The following NTN4 variants were observed in gnomAD, a reference collection of about 807,000 sequenced individuals.
NTN4 encodes netrin-4.
NTN4 carries 32 observed loss-of-function variants against 73.6 expected under a neutral mutation model. The ratio of observed to expected loss-of-function variants is 0.44; its 90% confidence interval spans 0.33 to 0.58. NTN4 has a LOEUF of 0.58. Ranked by LOEUF, NTN4 falls within the 20% of genes least tolerant of loss-of-function variation. NTN4 has a pLI of 0.04. For missense variants in NTN4, 654 were observed against 798.3 expected, an observed-to-expected ratio of 0.82 and a Z score of 2.18; for synonymous variants, 258 against 287.5, an observed-to-expected ratio of 0.90 and a Z score of 1.04.
chr12:95,669,672 G>A (rs191815670), intron 8 of NTN4, among the ~76,000 whole-genome samples: 3 of 152,286 alleles, frequency 2.0e-5, no homozygotes, highest in Non-Finnish European at 4.4e-5. Context: ...ATAATGAAAT[G>A]CTGCCTTAAA....
At chr12:95,727,166 T>C (rs2078701156) in intron 3 of NTN4, among the ~76,000 whole-genome samples, 1 of 152,206 alleles carries the variant, frequency 6.6e-6, no homozygotes, top group African/African-American at 2.4e-5. Flanking sequence ...ATCTCCCTAA[T>C]GACTAATGAT....
rs186241380 is a variant in NTN4, at chr12:95,746,552, G to C, written c.586-8408C>G. On this transcript the variant is annotated intron_variant, in intron 2 of 9. Transcript: ENST00000343702. The stretch of plus-strand genomic sequence containing the variant: ...TCTCTAACTCGCTCAGGTACAACAA[G>C]GGTGTTTCTCTCTCTGGCCTCAGGT... Among the ~76,000 whole-genome samples, 13 of 152,296 alleles carry C rather than the reference G, an allele frequency of 8.5e-5. No individual in the cohort carries two copies. The East Asian group carries it at 2.3e-3, about 27-fold the overall frequency.
chr12:95,790,950 C>A (rs2079206645), upstream of NTN4, among the ~76,000 whole-genome samples: 2 of 149,978 alleles, frequency 1.3e-5, no homozygotes. The surrounding 1 kb of genome is among the most constrained non-coding windows in gnomAD (Gnocchi z 6.5). Flanking sequence ...CCCCCGCGCC[C>A]CGACCGACGC....
intron 3 of NTN4, among the ~76,000 whole-genome samples, chr12:95,720,001 A>G (rs1446248383): frequency 6.6e-6 from 1 of 152,242 alleles, no homozygotes; most frequent in African/African-American, 2.4e-5. Context: ...AGATAGGCAT[A>G]GTGTAAAAAC....
At chr12:95,687,667 C>A (rs2078372296) in intron 5 of NTN4, among the ~76,000 whole-genome samples, 1 of 152,114 alleles carries the variant, frequency 6.6e-6, no homozygotes, top group Admixed American at 6.6e-5. Flanking sequence ...TCCCAAAGTG[C>A]TGGAATTACA....
At chr12:95,771,311 C>T (rs2079057812) in intron 2 of NTN4, among the ~76,000 whole-genome samples, 1 of 152,146 alleles carries the variant, frequency 6.6e-6, no homozygotes, top group South Asian at 2.1e-4. Flanking sequence ...CTTAGAGATA[C>T]ACTGAGTGTA....
chr12:95,695,063 G>A (rs2078430842), intron 5 of NTN4, among the ~76,000 whole-genome samples: 1 of 151,934 alleles, frequency 6.6e-6, no homozygotes, highest in Non-Finnish European at 1.5e-5. Context: ...GGGAGGTGAA[G>A]GTTGCAGTGA....
chr12:95,734,069 CAAAAAAAA>C (rs34550049), intron 3 of NTN4, among the ~76,000 whole-genome samples: 23 of 94,242 alleles, frequency 2.4e-4, no homozygotes, highest in Admixed American at 6.5e-4. Context: ...GACTCCATTT[CAAAAAAAA>C]AAAAAAAAAA....
At chr12:95,790,929 G>GC (rs1555222870), upstream of NTN4, among the ~76,000 whole-genome samples, 3 of 24,636 alleles carry the variant, frequency 1.2e-4, no homozygotes, top group Admixed American at 1.4e-3. This position sits in a 1 kb window ranked among gnomAD's most constrained non-coding sequence, Gnocchi z 6.5. Flanking sequence ...GCTGCCGCCC[G>GC]GGGGGGGGGT....
At chr12:95,748,250 AAAAG>A (rs1341384586) in intron 2 of NTN4, among the ~76,000 whole-genome samples, 7 of 147,444 alleles carry the variant, frequency 4.7e-5, no homozygotes, top group African/African-American at 1.7e-4. Flanking sequence ...AAAAAAAAAG[AAAAG>A]AAAAGAAAAA....
intron 5 of NTN4, among the ~76,000 whole-genome samples, chr12:95,708,548 C>T (rs1464563237): frequency 6.6e-6 from 1 of 152,062 alleles, no homozygotes; most frequent in South Asian, 2.1e-4. Context: ...TGAGCCACTG[C>T]GCCCAGCCTC....
At chr12:95,722,618 G>A (rs1464383382) in intron 3 of NTN4, among the ~76,000 whole-genome samples, 1 of 151,476 alleles carries the variant, frequency 6.6e-6, no homozygotes, top group African/African-American at 2.4e-5. Context: ...GCCAGACCTT[G>A]TCTCGAAAAA....
chr12:95,770,241 A>G lies in NTN4; in HGVS notation c.585+16698T>C, dbSNP rs2079048240. Among the ~76,000 whole-genome samples the G allele has an allele frequency of 3.3e-5, 5 of 152,206 alleles. No individual in the cohort carries two copies. In the South Asian group the frequency reaches 1.0e-3, roughly 31 times the overall value. The stretch of plus-strand genomic sequence containing the variant: ...GAAAGGTGGGATGTAGGGGCAGCCA[A>G]TCACCTGGTTTTGGTTTCTGCAAAC... On this transcript the variant is annotated intron_variant, in intron 2 of 9. Transcript: ENST00000343702.
At chr12:95,693,862 G>T (rs1340649776) in intron 5 of NTN4, among the ~76,000 whole-genome samples, 1 of 151,888 alleles carries the variant, frequency 6.6e-6, no homozygotes, top group Non-Finnish European at 1.5e-5. Context: ...TATAGGACAA[G>T]AGTCACAGCG....
intron 2 of NTN4, among the ~76,000 whole-genome samples, chr12:95,784,702 G>A (rs573448561): frequency 1.3e-5 from 2 of 152,214 alleles, no homozygotes; most frequent in African/African-American, 2.4e-5. Flanking sequence ...AGGAAGCGGA[G>A]GCTTCAGTGA....
At chr12:95,698,846 G>A (rs948573972) in intron 5 of NTN4, among the ~76,000 whole-genome samples, 1 of 145,896 alleles carries the variant, frequency 6.9e-6, no homozygotes, top group Non-Finnish European at 1.5e-5. Flanking sequence ...GATAGAGTGA[G>A]ACTCTGCCTC....
At chr12:95,774,018 A>G (rs956115869) in intron 2 of NTN4, among the ~76,000 whole-genome samples, 2 of 152,202 alleles carry the variant, frequency 1.3e-5, no homozygotes, top group Non-Finnish European at 2.9e-5. Context: ...CTAAGTGCAA[A>G]GAGCCTTCAC....
At chr12:95,760,609 T>C (rs975657737) in intron 2 of NTN4, among the ~76,000 whole-genome samples, 2 of 152,120 alleles carry the variant, frequency 1.3e-5, no homozygotes, top group Admixed American at 6.6e-5. Context: ...GGGATTGTTA[T>C]GTTTGTTTCT....
intron 4 of NTN4, among the ~76,000 whole-genome samples, chr12:95,710,929 A>G (rs911180783): frequency 1.3e-5 from 2 of 152,148 alleles, no homozygotes; most frequent in African/African-American, 4.8e-5. Context: ...GCTTGAACCC[A>G]GGAGGTGGAG....
Sources: gnomAD v4.1 joint callset for allele counts (sites outside exome capture counted in the v4.1 genomes callset) on GRCh38, gnomAD v4.1.1 for gene constraint, Gnocchi (gnomAD v3.1) non-coding constraint, MANE v1.5 for transcripts, NCBI Gene and HGNC (gene_info 2026-07-23, HGNC 2026-07-21) for gene names.